TAFA2: variants seen among roughly 807,000 people sequenced by gnomAD.
TAFA2 encodes the protein chemokine-like protein TAFA-2.
TAFA2 carries 7 observed loss-of-function variants against 18.8 expected under a neutral mutation model. The ratio of observed to expected loss-of-function variants is 0.37; its 90% CI spans 0.21 to 0.70. The LOEUF (loss-of-function observed/expected upper bound fraction) is 0.70. Among genes scored for constraint, TAFA2 ranks in the 30% least tolerant of loss-of-function variants. TAFA2 has a pLI of 0.53. For missense variants in TAFA2, 122 were observed against 158.1 expected (o/e 0.77, Z 1.23); for synonymous variants, 60 against 54.2 (o/e 1.11, Z -0.47).
At chr12:61,967,202 G>A (rs1879097367) in intron 1 of TAFA2, among the ~76,000 whole-genome samples, 1 of 151,648 alleles carries the variant, frequency 6.6e-6, no homozygotes, top group South Asian at 2.1e-4. Flanking sequence ...TCTGTAACCA[G>A]GCAAAAATTA....
intron 1 of TAFA2, among the ~76,000 whole-genome samples, chr12:62,058,483 T>C (rs1424249392): frequency 6.6e-6 from 1 of 152,204 alleles, no homozygotes; most frequent in Admixed American, 6.5e-5. Flanking sequence ...GATACAGCAG[T>C]GAATAATTCC....
In TAFA2 at chr12:61,786,486, A is replaced by C. The variant is rs149629937; in HGVS notation, c.107-31462T>G. Among the ~76,000 whole-genome samples the C allele has an allele frequency of 9.9e-5, 15 of 151,792 alleles. No individual in the cohort carries two copies. In the East Asian group the frequency reaches 2.7e-3, roughly 28 times the overall value. ...CAAAAAAAGTCCTATAATGAAAATA[A>C]ATTTAAAAATTGAAATTGATCCAGA... On this transcript the variant is annotated intron_variant, in intron 2 of 4. Transcript: ENST00000416284.
rs190040917 is a variant in TAFA2 at position 62,092,840 on chromosome 12, A to G, written c.-2+98419T>C. 7.6e-4 allele frequency among the ~76,000 whole-genome samples: 116 copies of G among 152,096 alleles called. 1 individual carries two copies. The highest frequency in any genetic ancestry group is 1.4e-3 in the Admixed American group (21 of 15,240). On this transcript the variant is annotated intron_variant, in intron 1 of 4. Transcript: ENST00000416284. ...CAAGGAAAGAAGGGCATAATGTTTA[A>G]ACTTCTCTAGACAGTTTCAGAGATA... is the stretch of plus-strand genomic sequence containing the variant.
chr12:61,917,612 T>C (rs911415807), intron 1 of TAFA2, among the ~76,000 whole-genome samples: 9 of 152,142 alleles, frequency 5.9e-5, no homozygotes, highest in Non-Finnish European at 1.3e-4. Flanking sequence ...GGCAGGCGGA[T>C]ATTGAAGGGA....
rs1871923675 is a variant in TAFA2 at position 61,812,708 on chromosome 12, T to C, written c.106+54612A>G. 2.6e-5 allele frequency among the ~76,000 whole-genome samples: 4 copies of C among 150,952 alleles called. No individual in the cohort carries two copies. The South Asian group carries it at 8.3e-4, about 31-fold the overall frequency. The stretch of plus-strand genomic sequence containing the variant: ...CCTCAGCCTCATGAGTAGCTGGGAT[T>C]ACAGGCGCCCCCTGCCACGCCCGGA... On this transcript the variant is annotated intron_variant, in intron 2 of 4. Coordinates refer to ENST00000416284, the MANE Select transcript of TAFA2 (RefSeq NM_178539.5).
At chr12:61,737,898 A>T (rs1868330245) in intron 4 of TAFA2, among the ~76,000 whole-genome samples, 1 of 152,006 alleles carries the variant, frequency 6.6e-6, no homozygotes. Flanking sequence ...AGCTTGCTCT[A>T]TTTTTGAGAT....
intron 1 of TAFA2, among the ~76,000 whole-genome samples, chr12:62,090,493 T>C (rs967587165): frequency 3.3e-5 from 5 of 152,102 alleles, no homozygotes; most frequent in African/African-American, 1.2e-4. Flanking sequence ...GGCATCACTT[T>C]GAGTAGTCTG....
At chr12:61,965,902 G>C (rs1323609097) in intron 1 of TAFA2, among the ~76,000 whole-genome samples, 2 of 151,716 alleles carry the variant, frequency 1.3e-5, no homozygotes, top group Non-Finnish European at 2.9e-5. Flanking sequence ...CTGAGTTAAA[G>C]GCTAAATAAA....
At chr12:62,051,388 A>G (rs1370937655) in intron 1 of TAFA2, among the ~76,000 whole-genome samples, 1 of 152,148 alleles carries the variant, frequency 6.6e-6, no homozygotes, top group Non-Finnish European at 1.5e-5. Flanking sequence ...ATCATGCTCT[A>G]TGGTAGGTAC....
At chr12:62,207,863 A>G (rs1023642899) in intron 1 of TAFA2, among the ~76,000 whole-genome samples, 25 of 152,190 alleles carry the variant, frequency 1.6e-4, no homozygotes, top group African/African-American at 5.3e-4. Context: ...ACACAGCATC[A>G]GCTTCATGCT....
chr12:61,901,855 CATT>C (rs1291672455), intron 1 of TAFA2, among the ~76,000 whole-genome samples: 1 of 152,070 alleles, frequency 6.6e-6, no homozygotes, highest in Non-Finnish European at 1.5e-5. Flanking sequence ...TCTGATCTGT[CATT>C]ATATAATTTC....
In TAFA2 at chr12:61,834,519, A is replaced by G. The variant is rs77944946; in HGVS notation, c.106+32801T>C. 6.3e-3 allele frequency among the ~76,000 whole-genome samples: 961 copies of G among 152,162 alleles called. 10 individuals are homozygous for G. Among genetic ancestry groups the G allele is most frequent in the African/African-American group, 0.022 (900 of 41,540 alleles). On this transcript the variant is annotated intron_variant, in intron 2 of 4. Coordinates refer to ENST00000416284, the MANE Select transcript of TAFA2 (RefSeq NM_178539.5). ...AGGCCAGTCTGCAGCTCCATTTCCA[A>G]TAGAGAACACCTGCAGGTTATAAGT...
chr12:62,070,419 T>C (rs919943321), intron 1 of TAFA2: 1 of 152,230 alleles, frequency 6.6e-6, no homozygotes, highest in Non-Finnish European at 1.5e-5. Flanking sequence ...AACAACCTGA[T>C]ACTTCACTTT....
chr12:62,137,212 AT>A (rs1870931048), intron 1 of TAFA2, among the ~76,000 whole-genome samples: 1 of 152,160 alleles, frequency 6.6e-6, no homozygotes. Context: ...AAGGGAACAT[AT>A]TTACAGTTCA....
intron 1 of TAFA2, among the ~76,000 whole-genome samples, chr12:62,091,691 C>G (rs1146079): frequency 0.22 from 34,034 of 151,802 alleles, 4,014 homozygotes; most frequent in Admixed American, 0.27. Context: ...TCTGAAGGTC[C>G]TAATTAACCG....
chr12:61,775,029 G>A (rs535034516), intron 2 of TAFA2, among the ~76,000 whole-genome samples: 1 of 151,810 alleles, frequency 6.6e-6, no homozygotes, highest in South Asian at 2.1e-4. Flanking sequence ...AACACATCAC[G>A]AGAAAATATA....
intron 1 of TAFA2, among the ~76,000 whole-genome samples, chr12:61,937,607 A>G (rs1368976950): frequency 6.6e-6 from 1 of 152,214 alleles, no homozygotes; most frequent in African/African-American, 2.4e-5. Context: ...AGCCACATGT[A>G]GAAGAATGAA....
chr12:62,021,991 T>G (rs1289076910), intron 1 of TAFA2: 1 of 675,824 alleles, frequency 1.5e-6, no homozygotes, highest in African/African-American at 1.8e-5. Context: ...ACGCAGAGAC[T>G]CTGCCTGGGC....
At chr12:62,105,182 G>A (rs1204477428) in intron 1 of TAFA2, among the ~76,000 whole-genome samples, 2 of 152,026 alleles carry the variant, frequency 1.3e-5, no homozygotes, top group Non-Finnish European at 2.9e-5. Flanking sequence ...ATATGTGACT[G>A]CTCCGAGTCC....
Sources: gnomAD v4.1 joint callset for allele counts (sites outside exome capture counted in the v4.1 genomes callset) on GRCh38, gnomAD v4.1.1 for gene constraint, MANE v1.5 for transcripts, NCBI Gene and HGNC (gene_info 2026-07-23, HGNC 2026-07-21) for gene names.